Variants in SBF2 observed in about 807,000 individuals in gnomAD.
The protein encoded by SBF2 is myotubularin-related protein 13.
A neutral mutation model predicts 225.2 loss-of-function variants in SBF2; 112 were observed. That is an observed-to-expected ratio of 0.50 (90% CI 0.43 to 0.58). The LOEUF is 0.58. SBF2 is among the 20% of genes least tolerant of loss of function. The probability of loss-of-function intolerance (pLI) is 0.00; values close to 1 mark genes in which losing one functional copy is unlikely to be tolerated. For missense variants in SBF2, 1,996 were observed against 2,206.2 expected (o/e 0.90, Z 1.91); for synonymous variants, 763 against 773.3 (o/e 0.99, Z 0.22).
intron 1 of SBF2, among the ~76,000 whole-genome samples, chr11:10,242,660 C>A (rs907473220): frequency 1.3e-5 from 2 of 151,886 alleles, no homozygotes; most frequent in South Asian, 2.1e-4. Flanking sequence ...GTATTTCATA[C>A]AAATGGTAGC....
chr11:10,069,844 T>C (rs1950792805), intron 2 of SBF2, among the ~76,000 whole-genome samples: 2 of 152,238 alleles, frequency 1.3e-5, no homozygotes, highest in Admixed American at 1.3e-4. Flanking sequence ...TTTTTAATGA[T>C]CGCCATTCTA....
chr11:9,882,857 T>C (rs1859939718), intron 17 of SBF2, among the ~76,000 whole-genome samples: 1 of 145,716 alleles, frequency 6.9e-6, no homozygotes, highest in East Asian at 2.0e-4. Context: ...CTTGCACTAA[T>C]CAATATTTCT....
At chr11:10,032,604 C>T (rs893783719) in intron 3 of SBF2, among the ~76,000 whole-genome samples, 2 of 152,184 alleles carry the variant, frequency 1.3e-5, no homozygotes, top group African/African-American at 4.8e-5. Flanking sequence ...CTGCAATGCC[C>T]TAACACTCTC....
Position 9,789,231 on chromosome 11 carries a change from A to G in SBF2, c.4810T>C (p.Phe1604Leu), listed in dbSNP as rs1590087523. The G allele has an allele frequency of 3.7e-6, 6 of 1,614,144 alleles. No homozygotes were observed. In the East Asian group the frequency reaches 1.3e-4, roughly 36 times the overall value. Residue 1604 changes from phenylalanine to leucine, a missense_variant, in exon 35 of 40, where the codon TTC becomes CTC. Transcript: ENST00000256190. ...GCCAGGTCAGAGTCTTCGGAGGGGA[A>G]GTGCTTGGGGGTTAGCATCATCCAG... ...YDWMMLTPKH[F>L]PSEDSDLAGE... is the part of the protein sequence containing the mutation.
intron 17 of SBF2, among the ~76,000 whole-genome samples, chr11:9,871,910 G>T: frequency 6.6e-6 from 1 of 152,270 alleles, no homozygotes. Context: ...AGACAGTGTG[G>T]TGATTCCTCA....
chr11:9,993,736 TC>T (rs1947542535), intron 10 of SBF2, among the ~76,000 whole-genome samples, 184 bp downstream of exon 10: 1 of 152,178 alleles, frequency 6.6e-6, no homozygotes. Context: ...CCAGTGAACT[TC>T]CCTGTGGCTC....
intron 31 of SBF2, 134 bp downstream of exon 31, chr11:9,808,767 G>A (rs929590003): frequency 9.3e-5 from 63 of 678,652 alleles, no homozygotes; most frequent in South Asian, 6.8e-4. Flanking sequence ...ATGGATACCA[G>A]GTGCTGTTTA....
intron 6 of SBF2, among the ~76,000 whole-genome samples, chr11:10,005,523 C>G (rs1205243977): frequency 1.3e-5 from 2 of 152,132 alleles, no homozygotes. Flanking sequence ...CATTCCTGCT[C>G]TAATACTTTA....
chr11:9,833,321 CAG>C (rs1415333575), intron 26 of SBF2, among the ~76,000 whole-genome samples: 1 of 151,906 alleles, frequency 6.6e-6, no homozygotes, highest in Non-Finnish European at 1.5e-5. Context: ...AGGCAGGTTT[CAG>C]AGTCATTTCT....
chr11:10,102,322 G>C (rs12099128), intron 2 of SBF2, among the ~76,000 whole-genome samples: 243 of 152,306 alleles, frequency 1.6e-3, no homozygotes, highest in Middle Eastern at 3.4e-3. Context: ...TGATGTCTTA[G>C]GCTCCACACC....
At chr11:9,890,479 C>A (rs1045077110) in intron 17 of SBF2, among the ~76,000 whole-genome samples, 2 of 152,132 alleles carry the variant, frequency 1.3e-5, no homozygotes, top group Non-Finnish European at 2.9e-5. Flanking sequence ...GTCTGAATAA[C>A]GCTCTTATTC....
chr11:9,912,014 A>G (rs1290137334), intron 16 of SBF2, among the ~76,000 whole-genome samples: 1 of 152,200 alleles, frequency 6.6e-6, no homozygotes, highest in Non-Finnish European at 1.5e-5. Flanking sequence ...AAAACACTAT[A>G]AATTTTTTTT....
At chr11:9,908,203 G>C (rs543524746) in intron 16 of SBF2, among the ~76,000 whole-genome samples, 1 of 145,754 alleles carries the variant, frequency 6.9e-6, no homozygotes, top group South Asian at 2.1e-4. Context: ...AGGGCTTGAA[G>C]AAAATTTTTT....
chr11:10,029,190 C>T (rs1949161397), intron 5 of SBF2, among the ~76,000 whole-genome samples: 1 of 152,010 alleles, frequency 6.6e-6, no homozygotes, highest in Non-Finnish European at 1.5e-5. Context: ...AAAATCTATC[C>T]TTTTAAAAGT....
intron 1 of SBF2, among the ~76,000 whole-genome samples, chr11:10,200,053 T>C (rs1459674726): frequency 6.6e-6 from 1 of 152,186 alleles, no homozygotes; most frequent in East Asian, 1.9e-4. Flanking sequence ...GAAGACTGCT[T>C]GAGCTGAAAA....
intron 2 of SBF2, among the ~76,000 whole-genome samples, chr11:10,175,706 G>T (rs199603979): frequency 0.091 from 13,564 of 148,734 alleles, 854 homozygotes; most frequent in East Asian, 0.28. Context: ...CAACAGAATA[G>T]ACATTTTTTT....
chr11:10,114,089 A>G (rs982895917), intron 2 of SBF2, among the ~76,000 whole-genome samples: 2 of 152,152 alleles, frequency 1.3e-5, no homozygotes, highest in African/African-American at 4.8e-5. Flanking sequence ...GGCTTTAGGT[A>G]GGTTACTTCT....
intron 2 of SBF2, among the ~76,000 whole-genome samples, chr11:10,145,025 T>G (rs1954822757): frequency 1.3e-5 from 2 of 152,204 alleles, no homozygotes; most frequent in Admixed American, 1.3e-4. Flanking sequence ...TAGCTTAAAT[T>G]AAGGATCACC....
chr11:10,034,006 C>T (rs1373287518), intron 3 of SBF2, among the ~76,000 whole-genome samples: 1 of 152,126 alleles, frequency 6.6e-6, no homozygotes, highest in Non-Finnish European at 1.5e-5. Flanking sequence ...ACAAAAGTTT[C>T]ACATATTTTA....
Sources: gnomAD v4.1 joint callset for allele counts (sites outside exome capture counted in the v4.1 genomes callset) on GRCh38, gnomAD v4.1.1 for gene constraint, MANE v1.5 for transcripts, NCBI Gene and HGNC (gene_info 2026-07-23, HGNC 2026-07-21) for gene names.